The following UMAD1 variants were observed in gnomAD, a reference collection of about 807,000 sequenced individuals.
UMAD1 encodes the protein UBAP1-MVB12-associated (UMA) domain containing 1.
A neutral mutation model predicts 6.1 loss-of-function variants in UMAD1; 8 were observed. The ratio of observed to expected loss-of-function variants is 1.30; its 90% CI spans 0.76 to 2.35. UMAD1 has a LOEUF of 2.35. Ranked by LOEUF, UMAD1 falls within the 30% of genes most tolerant of loss-of-function variation. The pLI, the probability that UMAD1 is intolerant of heterozygous loss-of-function variation, is 0.00. For missense variants in UMAD1, 130 were observed against 78.4 expected (o/e 1.66, Z -2.49); for synonymous variants, 56 against 31.4 (o/e 1.78, Z -2.61).
intron 2 of UMAD1, among the ~76,000 whole-genome samples, chr7:7,753,396 C>T (rs1781715604): frequency 6.6e-6 from 1 of 152,154 alleles, no homozygotes; most frequent in African/African-American, 2.4e-5. Context: ...ACCCATTAAC[C>T]ATCCCCATCA....
intron 2 of UMAD1, among the ~76,000 whole-genome samples, chr7:7,757,282 A>G (rs1781796726): frequency 2.0e-5 from 3 of 152,220 alleles, no homozygotes; most frequent in African/African-American, 7.2e-5. Context: ...AAGATGTGAG[A>G]AAATAAAATT....
intron 3 of UMAD1, among the ~76,000 whole-genome samples, chr7:7,854,226 A>G (rs1167238854): frequency 6.6e-6 from 1 of 151,786 alleles, no homozygotes; most frequent in Non-Finnish European, 1.5e-5. Context: ...GTGGTGGTGC[A>G]TGCCTGTAAT....
chr7:7,828,819 A>T (rs559536049), intron 3 of UMAD1, among the ~76,000 whole-genome samples: 1 of 152,268 alleles, frequency 6.6e-6, no homozygotes, highest in Non-Finnish European at 1.5e-5. Flanking sequence ...TGAACAGATC[A>T]GAGGGAATTA....
At chr7:7,804,659 C>T (rs567840710) in intron 3 of UMAD1, among the ~76,000 whole-genome samples, 2 of 151,842 alleles carry the variant, frequency 1.3e-5, no homozygotes, top group Non-Finnish European at 2.9e-5. Flanking sequence ...AGCAAGAGAG[C>T]GAGACTCCAT....
intron 2 of UMAD1, among the ~76,000 whole-genome samples, chr7:7,704,025 C>A (rs1367831238): frequency 6.6e-6 from 1 of 152,048 alleles, no homozygotes; most frequent in Non-Finnish European, 1.5e-5. Flanking sequence ...TACCTTAGAG[C>A]AACAGTTCTC....
At chr7:7,856,423 C>T (rs1784019835) in intron 3 of UMAD1, among the ~76,000 whole-genome samples, 1 of 152,140 alleles carries the variant, frequency 6.6e-6, no homozygotes, top group Non-Finnish European at 1.5e-5. Flanking sequence ...TTATAAAACC[C>T]TCAGATCTTG....
chr7:7,673,177 A>G (rs2115108044), intron 1 of UMAD1, 132 bp from the exon 2 acceptor site: 2 of 699,328 alleles, frequency 2.9e-6, no homozygotes, highest in Non-Finnish European at 5.0e-6. Context: ...GAGAAGGCTC[A>G]TGGTTTTACA....
chr7:7,754,853 G>A (rs13230086), intron 2 of UMAD1, among the ~76,000 whole-genome samples: 57,022 of 151,962 alleles, frequency 0.38, 11,731 homozygotes, highest in African/African-American at 0.55. Context: ...TTCCACAAAC[G>A]AGATCATACT....
chr7:7,681,119 T>G (rs924518292), intron 2 of UMAD1, among the ~76,000 whole-genome samples: 5 of 152,188 alleles, frequency 3.3e-5, no homozygotes, highest in Non-Finnish European at 7.4e-5. Context: ...AGCAACAACT[T>G]TTTATCAATA....
chr7:7,803,700 CTT>C (rs879542209), intron 3 of UMAD1, among the ~76,000 whole-genome samples: 1 of 142,478 alleles, frequency 7.0e-6, no homozygotes. Context: ...GGTGAGGGCC[CTT>C]TTTTTTTTTG....
At chr7:7,751,311 A>T (rs1215174544) in intron 2 of UMAD1, among the ~76,000 whole-genome samples, 1 of 152,222 alleles carries the variant, frequency 6.6e-6, no homozygotes, top group African/African-American at 2.4e-5. Flanking sequence ...GGTATGTTAA[A>T]ATAGGGCTAA....
intron 2 of UMAD1, among the ~76,000 whole-genome samples, chr7:7,675,301 A>G (rs1583721012): frequency 6.6e-6 from 1 of 152,194 alleles, no homozygotes; most frequent in Non-Finnish European, 1.5e-5. Flanking sequence ...TAAACTTTTT[A>G]TTCATCTACT....
chr7:7,800,670 C>T (rs1782781490), intron 2 of UMAD1, among the ~76,000 whole-genome samples: 1 of 152,168 alleles, frequency 6.6e-6, no homozygotes, highest in African/African-American at 2.4e-5. Flanking sequence ...TCACAATTTT[C>T]ATGAGACTTT....
intron 2 of UMAD1, among the ~76,000 whole-genome samples, chr7:7,686,325 G>T (rs1583735659): frequency 6.6e-6 from 1 of 152,110 alleles, no homozygotes; most frequent in East Asian, 1.9e-4. Flanking sequence ...TGTGGGCCTT[G>T]TGTGGCCTTC....
At chr7:7,760,095 A>G (rs7777948) in intron 2 of UMAD1, among the ~76,000 whole-genome samples, 7,020 of 152,130 alleles carry the variant, frequency 0.046, 520 homozygotes, top group African/African-American at 0.16. Context: ...TTGCTCTTGG[A>G]GCCCGGAGCC....
rs1004800208 is a variant in UMAD1 at position 7,708,938 on chromosome 7, T to TGA, written c.82+35497_82+35498dup. 3.3e-3 allele frequency among the ~76,000 whole-genome samples: 498 copies of TGA among 150,664 alleles called. 3 individuals are homozygous for TGA. Among genetic ancestry groups the TGA allele is most frequent in the African/African-American group, 0.012 (480 of 41,088 alleles). On this transcript the variant is annotated intron_variant, in intron 2 of 3. Coordinates refer to ENST00000682710, the MANE Select transcript of UMAD1 (RefSeq NM_001302348.2). ...TTGTGTTTGTGTGTCTGTGTGTGTG[T>TGA]GAGAGAGAGAGAGGGAGAGAGAGAG...
chr7:7,740,196 C>T (rs1305364606), intron 2 of UMAD1, among the ~76,000 whole-genome samples: 2 of 152,148 alleles, frequency 1.3e-5, no homozygotes, highest in Non-Finnish European at 2.9e-5. Flanking sequence ...TCTCTTTTAA[C>T]CAAAATCTAA....
intron 2 of UMAD1, among the ~76,000 whole-genome samples, chr7:7,726,226 T>C (rs1456256145): frequency 6.6e-6 from 1 of 152,182 alleles, no homozygotes; most frequent in Admixed American, 6.5e-5. Flanking sequence ...ACGGGTGACC[T>C]CAGCAATGCT....
intron 2 of UMAD1, among the ~76,000 whole-genome samples, chr7:7,711,567 CTT>C (rs1361754377): frequency 6.6e-6 from 1 of 151,994 alleles, no homozygotes; most frequent in Non-Finnish European, 1.5e-5. Context: ...AAAATGGTAT[CTT>C]GTGTTTTTAA....
Sources: gnomAD v4.1 joint callset for allele counts (sites outside exome capture counted in the v4.1 genomes callset) on GRCh38, gnomAD v4.1.1 for gene constraint, MANE v1.5 for transcripts, NCBI Gene and HGNC (gene_info 2026-07-23, HGNC 2026-07-21) for gene names.